The following SMARCA5 variants were observed in gnomAD, a reference collection of about 807,000 sequenced individuals.
SMARCA5 encodes the protein SWI/SNF-related matrix-associated actin-dependent regulator of chromatin subfamily A member 5.
Under a neutral mutation model 140.4 loss-of-function variants are expected in SMARCA5, and 18 were observed. That is an observed-to-expected ratio of 0.13 (90% confidence interval 0.09 to 0.19). SMARCA5 has a LOEUF of 0.19. SMARCA5 is among the 10% of genes least tolerant of loss of function. SMARCA5 has a pLI of 1.00. For missense variants in SMARCA5, 606 were observed against 1,276.8 expected (o/e 0.47, Z 8.01); for synonymous variants, 449 against 419.6 (o/e 1.07, Z -0.86).
At chr4:143,525,590 A>G (rs368281698) in intron 5 of SMARCA5, 39 bp downstream of exon 5, 20 of 1,305,242 alleles carry the variant, frequency 1.5e-5, no homozygotes, top group South Asian at 1.4e-4. Context: ...TATGTTTTGT[A>G]TTGAAAATAT....
chr4:143,544,114 A>G (rs1018492777), intron 16 of SMARCA5, 142 bp downstream of exon 16: 19 of 494,928 alleles, frequency 3.8e-5, no homozygotes, highest in African/African-American at 3.2e-4. Flanking sequence ...TTTCATCATT[A>G]TGTAAAATTT....
rs1458462600 is a variant in SMARCA5 at position 143,545,341 on chromosome 4, C to G, written c.2284-129C>G. ...TGCATTTAAAATTAAGATATAAATT[C>G]AGTTTTATTGAAAGATGCATTCAGT... On this transcript the variant is annotated intron_variant, in intron 17 of 23. Transcript: ENST00000283131. 4.5e-6 allele frequency: 3 copies of G among 660,096 alleles called. No individual in the cohort carries two copies. The East Asian group carries it at 8.4e-5, about 18-fold the overall frequency. 40.9% of individuals were successfully genotyped at this position (660,096 alleles called of 1,614,324 possible). A position where few individuals can be genotyped will look rare whatever the true frequency, so the allele number is the denominator to read the frequency against.
In SMARCA5 at chr4:143,556,420, A is replaced by G. The variant is rs868398221; in HGVS notation, c.*3236A>G. Reference sequence around the variant, plus strand: ...TGTTCTATCCCTTTGAATCTAAAAAACAAATCTTTTTGAAAGGATGTGCTA... The same window carrying G: ...TGTTCTATCCCTTTGAATCTAAAAAGCAAATCTTTTTGAAAGGATGTGCTA... On this transcript the variant is annotated 3_prime_UTR_variant, in exon 24 of 24. Coordinates refer to ENST00000283131, the MANE Select transcript of SMARCA5 (RefSeq NM_003601.4). 10 of 152,202 alleles carry G rather than the reference A, an allele frequency of 6.6e-5. No individual in the cohort carries two copies. Among genetic ancestry groups the G allele is most frequent in the African/African-American group, 2.4e-4 (10 of 41,448 alleles). The allele number at this position is 152,202 out of a possible 1,614,324, so 9.4% of individuals were successfully genotyped here. A position where few individuals can be genotyped will look rare whatever the true frequency, so the allele number is the denominator to read the frequency against.
chr4:143,535,953 C>A (rs960137750), intron 10 of SMARCA5, among the ~76,000 whole-genome samples: 1 of 152,026 alleles, frequency 6.6e-6, no homozygotes, highest in African/African-American at 2.4e-5. Context: ...ATGTTTAAGT[C>A]ACGTTGTATT....
At position 143,530,581 on chromosome 4, in the gene SMARCA5, G is replaced by T. The variant is rs182938077; in HGVS notation, c.1158+55G>T. On this transcript the variant is annotated intron_variant, in intron 9 of 23. Transcript: ENST00000283131. Reference sequence around the variant, plus strand: ...ATTTATGATGGGAAAAAGGATAAAGGTTTAAATTAGTAGATTATTTTCCTG... The same window carrying T: ...ATTTATGATGGGAAAAAGGATAAAGTTTTAAATTAGTAGATTATTTTCCTG... 1.2e-5 allele frequency: 14 copies of T among 1,149,230 alleles called. No homozygotes were observed. The African/African-American group carries it at 1.9e-4, about 15-fold the overall frequency. 71.2% of individuals were successfully genotyped at this position (1,149,230 alleles called of 1,614,324 possible). A position where few individuals can be genotyped will look rare whatever the true frequency, so the allele number is the denominator to read the frequency against.
chr4:143,550,216 T>C (rs1737615598), intron 23 of SMARCA5, 112 bp downstream of exon 23: 1 of 476,690 alleles, frequency 2.1e-6, no homozygotes. Context: ...CACCCCTCCA[T>C]TGCCTTTACT....
At chr4:143,521,725 T>C in intron 3 of SMARCA5, 130 bp downstream of exon 3, 1 of 816,438 alleles carries the variant, frequency 1.2e-6, no homozygotes, top group South Asian at 2.1e-5. Flanking sequence ...CCTGTTTGGC[T>C]TGGCATGATT....
intron 17 of SMARCA5, among the ~76,000 whole-genome samples, chr4:143,545,266 A>G (rs2149824366): frequency 6.6e-6 from 1 of 151,860 alleles, no homozygotes; most frequent in South Asian, 2.1e-4. Flanking sequence ...TTTAGAGTGT[A>G]CTCTCTTCTG....
intron 1 of SMARCA5, among the ~76,000 whole-genome samples, chr4:143,516,796 G>A (rs532219520): frequency 7.9e-5 from 12 of 152,192 alleles, no homozygotes; most frequent in African/African-American, 2.9e-4. Context: ...TGTGACATAT[G>A]AATGTCAGGA....
At chr4:143,516,482 T>C (rs1325149512) in intron 1 of SMARCA5, among the ~76,000 whole-genome samples, 1 of 152,166 alleles carries the variant, frequency 6.6e-6, no homozygotes, top group Non-Finnish European at 1.5e-5. Context: ...TTTTGGAATT[T>C]TGTAAACTGG....
chr4:143,551,897 G>C (rs1206758226), intron 23 of SMARCA5, among the ~76,000 whole-genome samples: 1 of 151,808 alleles, frequency 6.6e-6, no homozygotes, highest in African/African-American at 2.4e-5. Flanking sequence ...CTATTTCTGG[G>C]TGTTCTGTGG....
chr4:143,529,625 A>T (rs1320254712), intron 8 of SMARCA5, among the ~76,000 whole-genome samples: 6 of 152,238 alleles, frequency 3.9e-5, no homozygotes, highest in African/African-American at 1.4e-4. Flanking sequence ...TGCCTGGACC[A>T]GTGTTTATTT....
rs923377948 is a variant in SMARCA5, at chr4:143,513,875, C to G, written c.-50C>G. On this transcript the variant is annotated 5_prime_UTR_variant, in exon 1 of 24. Transcript: ENST00000283131. ...CCAGGCCTAGGCCTCCCCGTCCATCCCCGCCGGACTCGGGCCTCTGGCAGC... is the reference window on the plus strand; with the variant it reads ...CCAGGCCTAGGCCTCCCCGTCCATCGCCGCCGGACTCGGGCCTCTGGCAGC... The G allele has an allele frequency of 6.6e-7, 1 of 1,525,278 alleles. No homozygotes were observed. The highest frequency in any genetic ancestry group is 8.8e-7 in the Non-Finnish European group (1 of 1,141,286). 94.5% of individuals were successfully genotyped at this position (1,525,278 alleles called of 1,614,324 possible). A position where few individuals can be genotyped will look rare whatever the true frequency, so the allele number is the denominator to read the frequency against.
chr4:143,513,993 G>T lies in SMARCA5; in HGVS notation c.69G>T (p.Ser23=). 1 of 1,564,798 alleles carries T rather than the reference G, an allele frequency of 6.4e-7. No individual in the cohort carries two copies. The highest frequency in any genetic ancestry group is 8.6e-7 in the Non-Finnish European group (1 of 1,163,278). ...PESAPSKPAA[S]IASGGSNSSN... is the part of the protein sequence containing the mutation. ...GCGCGCCTTCCAAGCCCGCAGCCTC[G>T]ATCGCCAGCGGCGGGAGCAACAGCA... The change falls in exon 1 of 24, where the codon TCG becomes TCT. Residue 23 remains serine (S), a synonymous_variant. Coordinates refer to ENST00000283131, the MANE Select transcript of SMARCA5 (RefSeq NM_003601.4).
In SMARCA5 at chr4:143,530,493, T is replaced by C; in HGVS notation, c.1125T>C (p.Leu375=). Reference sequence around the variant, plus strand: ...CCTGGTTTGATACAAACAACTGCCTTGGGGATCAAAAACTAGTTGAGAGGC... The same window carrying C: ...CCTGGTTTGATACAAACAACTGCCTCGGGGATCAAAAACTAGTTGAGAGGC... ...FDSWFDTNNC[L]GDQKLVERLH... is the part of the protein sequence containing the mutation. Residue 375 remains leucine, a synonymous_variant, in exon 9 of 24, where the codon CTT becomes CTC. Transcript: ENST00000283131. 1 of 1,612,282 alleles carries C rather than the reference T, an allele frequency of 6.2e-7. No homozygotes were observed. Among genetic ancestry groups the C allele is most frequent in the Non-Finnish European group, 8.5e-7 (1 of 1,179,096 alleles).
intron 10 of SMARCA5, among the ~76,000 whole-genome samples, chr4:143,536,026 G>A (rs572290601): frequency 6.6e-6 from 1 of 151,994 alleles, no homozygotes; most frequent in South Asian, 2.1e-4. Context: ...CAGATGTTAG[G>A]GTTCTTACCT....
intron 20 of SMARCA5, 117 bp from the exon 21 acceptor site, chr4:143,547,268 T>A (rs537622932): frequency 6.5e-6 from 4 of 619,002 alleles, no homozygotes; most frequent in Admixed American, 2.9e-5. Context: ...GTGGTGAGTC[T>A]GCTTAGAATA....
At chr4:143,546,987 T>C in intron 20 of SMARCA5, 79 bp downstream of exon 20, 1 of 1,371,732 alleles carries the variant, frequency 7.3e-7, no homozygotes, top group South Asian at 1.4e-5. Flanking sequence ...AATTATGTTG[T>C]GATTAGCTAA....
chr4:143,527,457 A>G (rs1737098070), intron 6 of SMARCA5, among the ~76,000 whole-genome samples: 1 of 152,322 alleles, frequency 6.6e-6, no homozygotes, highest in African/African-American at 2.4e-5. Context: ...ACTATTAGGA[A>G]TGTGTTAATA....
Sources: allele counts gnomAD v4.1 joint callset (sites outside exome capture counted in the v4.1 genomes callset), GRCh38; gene constraint gnomAD v4.1.1; transcripts MANE v1.5; gene names NCBI Gene and HGNC (gene_info 2026-07-23, HGNC 2026-07-21).